Variants in C16orf96 observed in about 807,000 individuals in gnomAD.
C16orf96 encodes the protein uncharacterized protein C16orf96.
In C16orf96, 108 loss-of-function variants were observed where a neutral mutation model predicts 103.6. The observed-to-expected ratio is 1.04, with a 90% CI of 0.89 to 1.22. C16orf96 has a LOEUF of 1.22. Among genes scored for constraint, C16orf96 ranks in the 50% most tolerant of loss-of-function variants. The pLI, the probability that C16orf96 is intolerant of heterozygous loss-of-function variation, is 0.00. For synonymous variants in C16orf96, 566 were observed against 593.5 expected, an observed-to-expected ratio of 0.95 and a Z score of 0.67; for missense variants, 1,586 against 1,464.2, an observed-to-expected ratio of 1.08 and a Z score of -1.36.
chr16:4,580,928 C>A (rs1219342412), intron 7 of C16orf96, among the ~76,000 whole-genome samples: 4 of 151,142 alleles, frequency 2.6e-5, no homozygotes, highest in African/African-American at 9.7e-5. Context: ...AGTTCGAGAC[C>A]AGCCTGACCA....
chr16:4,549,365 C>G, the C16orf96 span, among the ~76,000 whole-genome samples: 2 of 150,134 alleles, frequency 1.3e-5, no homozygotes, highest in Non-Finnish European at 3.0e-5. Context: ...CCCAGCTGCT[C>G]GGGAGGCTGA....
intron 1 of C16orf96, among the ~76,000 whole-genome samples, chr16:4,567,135 T>C (rs564168360): frequency 2.1e-4 from 32 of 152,286 alleles, no homozygotes; most frequent in African/African-American, 6.7e-4. Context: ...TATAGTCACT[T>C]ACAACAATAA....
At chr16:4,573,580 A>C (rs558420863) in intron 2 of C16orf96, among the ~76,000 whole-genome samples, 1 of 151,042 alleles carries the variant, frequency 6.6e-6, no homozygotes, top group Non-Finnish European at 1.5e-5. Flanking sequence ...GTGAAACCCC[A>C]TCTCTACTAA....
At chr16:4,565,114 T>A (rs1337178429) in intron 1 of C16orf96, among the ~76,000 whole-genome samples, 2 of 152,144 alleles carry the variant, frequency 1.3e-5, no homozygotes, top group African/African-American at 4.8e-5. Context: ...TCAGGCCTCT[T>A]AAGGCCTTTG....
In C16orf96 at chr16:4,574,830, A is replaced by AC. The variant is rs534043299; in HGVS notation, c.606+47dup. On this transcript the variant is annotated intron_variant, in intron 3 of 15. Transcript: ENST00000444310. The stretch of plus-strand genomic sequence containing the variant: ...CCTGTCTTCCCCCACTCCCCCTGGG[A>AC]CCCCCCAACCTCCCGGGTCCTGGGT... 4.0e-4 allele frequency: 611 copies of AC among 1,541,718 alleles called. 3 individuals carry two copies. In the African/African-American group the frequency reaches 7.3e-3, roughly 18 times the overall value.
chr16:4,540,493 G>A, the C16orf96 span, among the ~76,000 whole-genome samples: 8 of 152,070 alleles, frequency 5.3e-5, no homozygotes, highest in Admixed American at 3.3e-4. Flanking sequence ...AGCACTTTGG[G>A]AGGCCGAGGC....
chr16:4,550,743 GTGC>G, the C16orf96 span, among the ~76,000 whole-genome samples: 2 of 152,206 alleles, frequency 1.3e-5, no homozygotes, highest in South Asian at 4.1e-4. Flanking sequence ...TAGCCTCATG[GTGC>G]TGCTCACTGC....
At chr16:4,548,294 T>C in the C16orf96 span, among the ~76,000 whole-genome samples, 2 of 152,132 alleles carry the variant, frequency 1.3e-5, no homozygotes, top group Non-Finnish European at 2.9e-5. Flanking sequence ...TGGGCAACGT[T>C]CACTTTCTGC....
chr16:4,584,406 G>A (rs986635880), intron 7 of C16orf96, among the ~76,000 whole-genome samples: 2 of 140,938 alleles, frequency 1.4e-5, no homozygotes, highest in African/African-American at 5.4e-5. Flanking sequence ...GGAGTGCAGT[G>A]GCGCAATCTT....
At chr16:4,571,412 T>A in intron 1 of C16orf96, 149 bp from the exon 2 acceptor site, 3 of 617,456 alleles carry the variant, frequency 4.9e-6, no homozygotes, top group Non-Finnish European at 8.4e-6. Context: ...TTTAGTAGCA[T>A]CTCCTGGTCC....
chr16:4,539,174 A>G, the C16orf96 span, among the ~76,000 whole-genome samples: 3 of 152,230 alleles, frequency 2.0e-5, no homozygotes, highest in African/African-American at 7.2e-5. Flanking sequence ...TATGACAGTG[A>G]AAGAGAGCTG....
Position 4,579,522 on chromosome 16 carries a change from C to A in C16orf96, c.2242-493C>A, listed in dbSNP as rs147751509. ...TGAGCCAAGATCACGCCGCTGCACT[C>A]TAGCCTGGGTGACAGAGCAAGGCCC... On this transcript the variant is annotated intron_variant, in intron 6 of 15. Transcript: ENST00000444310. Among the ~76,000 whole-genome samples, 94 of 143,432 alleles carry A rather than the reference C, an allele frequency of 6.6e-4. 1 individual carries two copies. Among genetic ancestry groups the A allele is most frequent in the African/African-American group, 2.1e-3 (77 of 37,556 alleles). The allele number at this position is 143,432 out of a possible 152,430, so 94.1% of individuals were successfully genotyped here.
rs1567446725 is a variant in C16orf96, at chr16:4,576,214, C to CCGCTGCCACCGCAGCCTAT, written c.1734_1735insCGCTGCCACCGCAGCCTAT (p.Ala579ArgfsTer69). The CCGCTGCCACCGCAGCCTAT allele has an allele frequency of 1.3e-6, 2 of 1,550,564 alleles. No homozygotes were observed. The highest frequency in any genetic ancestry group is 3.9e-5 in the Admixed American group (2 of 50,974). ...TCGCCGCCGCTGCCGCCGCAGCCTA[C>CCGCTGCCACCGCAGCCTAT]GCCGCTGCCACATCCTCCGCTGCCC... On this transcript the variant is annotated frameshift_variant, in exon 5 of 16. Coordinates refer to ENST00000444310, the MANE Select transcript of C16orf96 (RefSeq NM_001145011.2). LOFTEE classifies it high-confidence loss of function.
the C16orf96 span, among the ~76,000 whole-genome samples, chr16:4,546,818 A>G: frequency 6.6e-6 from 1 of 152,134 alleles, no homozygotes; most frequent in African/African-American, 2.4e-5. Flanking sequence ...TGATGAATGG[A>G]TAAACAACGT....
rs1394658335 is a variant in C16orf96 at position 4,591,767 on chromosome 16, T to C, written c.2694T>C (p.Ser898=). ...AGGGCTTAAGACTGGATCCTGACAG[T>C]GCTGCTGGCTTTAGGAGGTGAGTGC... The part of the protein sequence containing the change: ...LIEGLRLDPD[S]AAGFRRKLFK... The change falls in exon 10 of 16, where the codon AGT becomes AGC. Residue 898 remains serine (S), a synonymous_variant. Transcript: ENST00000444310. 1.9e-6 allele frequency: 3 copies of C among 1,551,342 alleles called. No individual in the cohort carries two copies. The highest frequency in any genetic ancestry group is 2.6e-6 in the Non-Finnish European group (3 of 1,146,970).
At chr16:4,550,660 C>G in the C16orf96 span, among the ~76,000 whole-genome samples, 1 of 152,156 alleles carries the variant, frequency 6.6e-6, no homozygotes, top group South Asian at 2.1e-4. Context: ...GCTCCTAAAC[C>G]TACGTGGAGG....
rs1188902173 is a variant in C16orf96 at position 4,567,408 on chromosome 16, C to T, written c.421-4153C>T. On this transcript the variant is annotated intron_variant, in intron 1 of 15. Coordinates refer to ENST00000444310, the MANE Select transcript of C16orf96 (RefSeq NM_001145011.2). ...ACGCCATTCTCCTGCCTCAGCCTCC[C>T]AAGTAGCTGGGACTACACGTGCCCG... Among the ~76,000 whole-genome samples the T allele has an allele frequency of 2.7e-5, 4 of 150,756 alleles. No homozygotes were observed. In the East Asian group the frequency reaches 7.8e-4, roughly 30 times the overall value.
At position 4,576,221 on chromosome 16, in the gene C16orf96, G is replaced by C; in HGVS notation, c.1741G>C (p.Ala581Pro). The change falls in exon 5 of 16, where the codon GCC becomes CCC. Residue 581 changes from alanine (A) to proline (P), a missense_variant. Physicochemically the swap from Ala to Pro is conservative, Grantham distance 27. Transcript: ENST00000444310. ...CGCTGCCGCCGCAGCCTACGCCGCT[G>C]CCACATCCTCCGCTGCCCAGGCAGC... Reference protein sequence around the residue: ...AAAAAAAYAAATSSAAQAAKV... With the variant: ...AAAAAAAYAAPTSSAAQAAKV... 1 of 1,550,798 alleles carries C rather than the reference G, an allele frequency of 6.4e-7. No individual in the cohort carries two copies. Among genetic ancestry groups the C allele is most frequent in the Non-Finnish European group, 8.7e-7 (1 of 1,146,994 alleles).
intron 9 of C16orf96, among the ~76,000 whole-genome samples, chr16:4,589,206 C>T (rs377272505): frequency 9.9e-5 from 15 of 152,200 alleles, no homozygotes; most frequent in East Asian, 5.8e-4. Context: ...TGTTTAGCCC[C>T]CTCCCACATT....
Sources: gnomAD v4.1 joint callset for allele counts (sites outside exome capture counted in the v4.1 genomes callset) on GRCh38, gnomAD v4.1.1 for gene constraint, MANE v1.5 for transcripts, NCBI Gene and HGNC (gene_info 2026-07-23, HGNC 2026-07-21) for gene names.